Variants in TAS2R1 observed in about 807,000 individuals in gnomAD.
TAS2R1 encodes taste receptor type 2 member 1.
For missense variants in TAS2R1, 370 were observed against 353.4 expected (o/e 1.05, Z -0.38); for synonymous variants, 141 against 134.2 (o/e 1.05, Z -0.35).
the TAS2R1 span, among the ~76,000 whole-genome samples, chr5:9,812,764 AG>A: frequency 2.0e-5 from 3 of 152,308 alleles, no homozygotes; most frequent in South Asian, 6.2e-4. Context: ...TCACTGCCGT[AG>A]AACAGTTCAT....
the TAS2R1 span, among the ~76,000 whole-genome samples, chr5:9,804,421 T>A: frequency 1.3e-5 from 2 of 152,064 alleles, no homozygotes; most frequent in Admixed American, 6.6e-5. Flanking sequence ...GAACATTCTA[T>A]CCAACAACTG....
the TAS2R1 span, among the ~76,000 whole-genome samples, chr5:9,754,020 C>G: frequency 6.6e-6 from 1 of 152,080 alleles, no homozygotes; most frequent in African/African-American, 2.4e-5. Context: ...AAAATACTGG[C>G]AAACCAAATC....
intron 1 of TAS2R1, among the ~76,000 whole-genome samples, chr5:9,672,464 G>C (rs1325686596): frequency 6.6e-6 from 1 of 152,106 alleles, no homozygotes; most frequent in Non-Finnish European, 1.5e-5. Flanking sequence ...CCATCAAAAA[G>C]TGGGCAAGGA....
chr5:9,894,319 G>T, the TAS2R1 span, among the ~76,000 whole-genome samples: 1 of 152,190 alleles, frequency 6.6e-6, no homozygotes, highest in South Asian at 2.1e-4. Flanking sequence ...CAGGAGAATC[G>T]CTTGAACCTG....
At chr5:9,723,584 G>A in the TAS2R1 span, among the ~76,000 whole-genome samples, 1 of 152,228 alleles carries the variant, frequency 6.6e-6, no homozygotes, top group African/African-American at 2.4e-5. Flanking sequence ...TGCAGTGCCA[G>A]GAAGAGGGGA....
the TAS2R1 span, among the ~76,000 whole-genome samples, chr5:9,754,372 A>G: frequency 6.6e-6 from 1 of 151,886 alleles, no homozygotes; most frequent in East Asian, 1.9e-4. Context: ...CTCTCTCACC[A>G]CTCCTATTCA....
chr5:9,723,751 G>A, the TAS2R1 span, among the ~76,000 whole-genome samples: 10 of 152,340 alleles, frequency 6.6e-5, no homozygotes, highest in South Asian at 2.1e-3. Flanking sequence ...CCCTCATCAG[G>A]GGTGAATGCA....
chr5:9,797,996 A>G, the TAS2R1 span, among the ~76,000 whole-genome samples: 2 of 152,204 alleles, frequency 1.3e-5, no homozygotes, highest in Admixed American at 1.3e-4. Context: ...CAATCGGGAT[A>G]CCCATCAGCT....
the TAS2R1 span, among the ~76,000 whole-genome samples, chr5:9,895,381 T>C: frequency 1.3e-5 from 2 of 152,168 alleles, no homozygotes; most frequent in Non-Finnish European, 2.9e-5. Flanking sequence ...ATGGCACAGA[T>C]GAAGGGACCG....
the TAS2R1 span, among the ~76,000 whole-genome samples, chr5:9,752,383 T>G: frequency 2.0e-5 from 3 of 152,182 alleles, no homozygotes; most frequent in East Asian, 5.8e-4. Context: ...TGTTTCTTCT[T>G]TACATGCTCT....
chr5:9,697,845 T>C (rs1741394616), intron 1 of TAS2R1, among the ~76,000 whole-genome samples: 2 of 152,108 alleles, frequency 1.3e-5, no homozygotes, highest in African/African-American at 2.4e-5. Flanking sequence ...ATAATCATTG[T>C]TATTATTTTA....
intron 1 of TAS2R1, among the ~76,000 whole-genome samples, chr5:9,678,570 G>A (rs1740925226): frequency 6.6e-6 from 1 of 152,116 alleles, no homozygotes; most frequent in Non-Finnish European, 1.5e-5. Flanking sequence ...AGAAAATGTG[G>A]TACATACACA....
At chr5:9,837,671 C>A in the TAS2R1 span, among the ~76,000 whole-genome samples, 5 of 152,332 alleles carry the variant, frequency 3.3e-5, no homozygotes, top group South Asian at 6.2e-4. Flanking sequence ...TGCACACACA[C>A]GTCTCCACTG....
At chr5:9,836,645 T>C in the TAS2R1 span, among the ~76,000 whole-genome samples, 1 of 152,214 alleles carries the variant, frequency 6.6e-6, no homozygotes, top group African/African-American at 2.4e-5. Flanking sequence ...ATCTGCTGCA[T>C]ATTAAACATA....
chr5:9,814,231 C>T, the TAS2R1 span, among the ~76,000 whole-genome samples: 1 of 151,960 alleles, frequency 6.6e-6, no homozygotes, highest in Non-Finnish European at 1.5e-5. Context: ...TGTAGGTTTC[C>T]TTAATGTCAG....
At chr5:9,795,325 A>C in the TAS2R1 span, among the ~76,000 whole-genome samples, 2 of 152,124 alleles carry the variant, frequency 1.3e-5, no homozygotes, top group African/African-American at 4.8e-5. Flanking sequence ...TTTCTAGGAG[A>C]CTTTTTCCCC....
the TAS2R1 span, among the ~76,000 whole-genome samples, chr5:9,864,473 C>CA: frequency 0.095 from 14,135 of 148,276 alleles, 827 homozygotes; most frequent in East Asian, 0.22. Context: ...CTCAAAACTA[C>CA]AAAAAAAAAA....
the TAS2R1 span, among the ~76,000 whole-genome samples, chr5:9,888,539 C>T: frequency 2.0e-5 from 3 of 152,158 alleles, no homozygotes; most frequent in African/African-American, 7.2e-5. Context: ...GAGCCTTCTG[C>T]CTAAAGCACG....
chr5:9,898,765 A>C, the TAS2R1 span, among the ~76,000 whole-genome samples: 149 of 152,316 alleles, frequency 9.8e-4, 2 homozygotes, highest in African/African-American at 3.2e-3. Context: ...AACATGTAGC[A>C]GCTGGGCCCT....
Sources: allele counts gnomAD v4.1 joint callset (sites outside exome capture counted in the v4.1 genomes callset), GRCh38; gene constraint gnomAD v4.1.1; transcripts MANE v1.5; gene names NCBI Gene and HGNC (gene_info 2026-07-23, HGNC 2026-07-21).